The following BORCS5 variants were observed in gnomAD, a reference collection of about 807,000 sequenced individuals.
The protein encoded by BORCS5 is BLOC-1 related complex subunit 5, also known as BLOC-1-related complex subunit 5.
A neutral mutation model predicts 22.1 loss-of-function variants in BORCS5; 17 were observed. The ratio of observed to expected loss-of-function variants is 0.77; its 90% CI spans 0.53 to 1.15. BORCS5 has a LOEUF of 1.15. BORCS5 is among the 50% of genes most tolerant of loss of function. The pLI is 0.00. For synonymous variants in BORCS5, 117 were observed against 99.8 expected, an observed-to-expected ratio of 1.17 and a Z score of -1.03; for missense variants, 247 against 253.2, an observed-to-expected ratio of 0.98 and a Z score of 0.17.
intron 3 of BORCS5, chr12:12,452,482 G>C (rs1313598172): frequency 1.0e-5 from 5 of 477,970 alleles, no homozygotes; most frequent in Non-Finnish European, 2.1e-5. Context: ...CGCCTTGATC[G>C]TGGCTGGGTC....
At chr12:12,439,102 C>A (rs944507109) in intron 3 of BORCS5, among the ~76,000 whole-genome samples, 21 of 152,208 alleles carry the variant, frequency 1.4e-4, no homozygotes, top group African/African-American at 4.1e-4. Context: ...AGTTATAATG[C>A]TGTTATACCT....
intron 1 of BORCS5, among the ~76,000 whole-genome samples, chr12:12,359,727 C>A (rs992151980): frequency 6.7e-6 from 1 of 150,054 alleles, no homozygotes; most frequent in African/African-American, 2.4e-5. Flanking sequence ...GCCAGTCATT[C>A]GGGGGTTGAG....
Position 12,444,617 on chromosome 12 carries a change from G to A in BORCS5, c.360+8832G>A, listed in dbSNP as rs575929885. On this transcript the variant is annotated intron_variant, in intron 3 of 3. Transcript: ENST00000314565. ...AATTTTGAACATCTGTGTCATCTTC[G>A]AACTTAGATTCCTAAAATGCATCTG... 1.1e-4 allele frequency among the ~76,000 whole-genome samples: 16 copies of A among 152,176 alleles called. No individual in the cohort carries two copies. The South Asian group carries it at 2.9e-3, about 28-fold the overall frequency.
chr12:12,458,375 C>A (rs567095419), intron 3 of BORCS5, among the ~76,000 whole-genome samples: 8 of 152,040 alleles, frequency 5.3e-5, no homozygotes, highest in Non-Finnish European at 1.0e-4. Flanking sequence ...CTGAAACAAT[C>A]CCAAATTTTG....
chr12:12,405,878 A>G (rs1182050221), intron 2 of BORCS5, among the ~76,000 whole-genome samples: 1 of 152,258 alleles, frequency 6.6e-6, no homozygotes, highest in Non-Finnish European at 1.5e-5. Context: ...AAATTATTAA[A>G]AGGAATGTGG....
At chr12:12,465,417 G>A in intron 3 of BORCS5, 129 bp from the exon 4 acceptor site, 1 of 758,738 alleles carries the variant, frequency 1.3e-6, no homozygotes, top group Non-Finnish European at 2.2e-6. Flanking sequence ...TTAGCCCTGG[G>A]TGCTTCCTGT....
chr12:12,450,215 G>C (rs2136145077), intron 3 of BORCS5, among the ~76,000 whole-genome samples: 1 of 152,314 alleles, frequency 6.6e-6, no homozygotes, highest in South Asian at 2.1e-4. Context: ...CCAGCTGTGT[G>C]AGCTTAGGGA....
chr12:12,437,999 G>T (rs1283693711), intron 3 of BORCS5, among the ~76,000 whole-genome samples: 3 of 152,042 alleles, frequency 2.0e-5, no homozygotes, highest in Admixed American at 1.3e-4. Context: ...AAAGCACTGG[G>T]ATTACAGGTG....
chr12:12,383,622 T>G (rs947627602), intron 2 of BORCS5, among the ~76,000 whole-genome samples: 3 of 150,940 alleles, frequency 2.0e-5, no homozygotes, highest in African/African-American at 7.3e-5. Flanking sequence ...TTTTGAGGGA[T>G]AAATTTGATT....
intron 2 of BORCS5, among the ~76,000 whole-genome samples, chr12:12,365,203 C>T (rs933290991): frequency 1.3e-5 from 2 of 151,900 alleles, no homozygotes; most frequent in East Asian, 1.9e-4. Flanking sequence ...AAGAGGTTAT[C>T]GGGGATTTGG....
rs1943279543 is a variant in BORCS5, at chr12:12,470,571, T to C, written c.*4795T>C. Among the ~76,000 whole-genome samples the C allele has an allele frequency of 1.3e-5, 2 of 151,968 alleles. No homozygotes were observed. Among genetic ancestry groups the C allele is most frequent in the Admixed American group, 1.3e-4 (2 of 15,254 alleles). On this transcript the variant is annotated 3_prime_UTR_variant, in exon 4 of 4. Transcript: ENST00000314565. ...ATGGAACGGTTTCATCCAGAAACCA[T>C]CCCCCTGCTTCCCTGTCTGTAGAAA...
At chr12:12,376,616 T>C (rs2136037661) in intron 2 of BORCS5, among the ~76,000 whole-genome samples, 1 of 152,296 alleles carries the variant, frequency 6.6e-6, no homozygotes, top group African/African-American at 2.4e-5. Context: ...TTATGTTATG[T>C]CAAAATTAAT....
Position 12,431,470 on chromosome 12 carries a change from G to A in BORCS5, c.203-4158G>A, listed in dbSNP as rs147059721. Reference sequence around the variant, plus strand: ...CAGGCTGGAGTGTGGTGGCATGATCGCGGCTCACTGCAAGCTCCGCCTCCG... The same window carrying A: ...CAGGCTGGAGTGTGGTGGCATGATCACGGCTCACTGCAAGCTCCGCCTCCG... On this transcript the variant is annotated intron_variant, in intron 2 of 3. Transcript: ENST00000314565. 8.2e-3 allele frequency among the ~76,000 whole-genome samples: 1,161 copies of A among 141,662 alleles called. 18 individuals carry two copies. Among genetic ancestry groups the A allele is most frequent in the African/African-American group, 0.029 (1,075 of 36,854 alleles). The allele number at this position is 141,662 out of a possible 152,430, so 92.9% of individuals were successfully genotyped here.
chr12:12,443,319 C>T lies in BORCS5; in HGVS notation c.360+7534C>T, dbSNP rs564396060. Among the ~76,000 whole-genome samples the T allele has an allele frequency of 7.9e-5, 12 of 152,336 alleles. No individual in the cohort carries two copies. The South Asian group carries it at 2.5e-3, about 32-fold the overall frequency. On this transcript the variant is annotated intron_variant, in intron 3 of 3. Coordinates refer to ENST00000314565, the MANE Select transcript of BORCS5 (RefSeq NM_058169.6). ...TTTTTGCTGAAATCCTGAGGCAAGA[C>T]ATTTCAAGAAAATTTTATGTTCCCA... is the stretch of plus-strand genomic sequence containing the variant.
chr12:12,427,172 C>CTTTT (rs869191667), intron 2 of BORCS5, among the ~76,000 whole-genome samples: 26 of 84,448 alleles, frequency 3.1e-4, no homozygotes, highest in East Asian at 6.9e-4. Flanking sequence ...TCTTTCTTTT[C>CTTTT]TTTTTTTTTT....
intron 2 of BORCS5, among the ~76,000 whole-genome samples, chr12:12,385,617 C>T (rs1007833919): frequency 6.6e-6 from 1 of 150,878 alleles, no homozygotes; most frequent in Admixed American, 6.6e-5. Context: ...TTAAGCGATT[C>T]TTCTGCCTCA....
chr12:12,368,307 A>G (rs1305621532), intron 2 of BORCS5, among the ~76,000 whole-genome samples: 1 of 150,024 alleles, frequency 6.7e-6, no homozygotes, highest in Non-Finnish European at 1.5e-5. Context: ...TCTACTGGTT[A>G]GTCTCTATTC....
At chr12:12,358,615 C>G (rs901233150) in intron 1 of BORCS5, among the ~76,000 whole-genome samples, 3 of 152,310 alleles carry the variant, frequency 2.0e-5, no homozygotes, top group Middle Eastern at 3.4e-3. Context: ...TTTTCTTGCC[C>G]ATGAACCAAC....
At position 12,441,140 on chromosome 12, in the gene BORCS5, C is replaced by A. The variant is rs74659177; in HGVS notation, c.360+5355C>A. 8.0e-3 allele frequency among the ~76,000 whole-genome samples: 1,219 copies of A among 152,230 alleles called. 9 individuals carry two copies. The highest frequency in any genetic ancestry group is 0.024 in the Middle Eastern group (7 of 294). ...AAGTTTATGACAGGAGGGTCCCTGG[C>A]ACAGATCGGTCACACCCAGCAGCTT... On this transcript the variant is annotated intron_variant, in intron 3 of 3. Transcript: ENST00000314565.
Sources: gnomAD v4.1 joint callset for allele counts (sites outside exome capture counted in the v4.1 genomes callset) on GRCh38, gnomAD v4.1.1 for gene constraint, MANE v1.5 for transcripts, NCBI Gene and HGNC (gene_info 2026-07-23, HGNC 2026-07-21) for gene names.